The following CHD7 variants were observed in gnomAD, a reference collection of about 807,000 sequenced individuals.
CHD7 encodes ATP-dependent chromatin remodeler CHD7.
In CHD7, 24 loss-of-function variants were observed where a neutral mutation model predicts 307.3. The ratio of observed to expected loss-of-function variants is 0.08; its 90% confidence interval spans 0.06 to 0.11. CHD7 has a LOEUF of 0.11. Ranked by LOEUF, CHD7 falls within the 10% of genes least tolerant of loss-of-function variation. The pLI is 1.00. For missense variants in CHD7, 3,106 were observed against 3,727.1 expected, an observed-to-expected ratio of 0.83 and a Z score of 4.34; for synonymous variants, 1,363 against 1,349.9, an observed-to-expected ratio of 1.01 and a Z score of -0.21.
At chr8:60,847,068 T>C (rs1397434182) in intron 23 of CHD7, among the ~76,000 whole-genome samples, 2 of 152,222 alleles carry the variant, frequency 1.3e-5, no homozygotes, top group Non-Finnish European at 2.9e-5. Flanking sequence ...AGTCAATGTT[T>C]AATCTCATGA....
intron 34 of CHD7, among the ~76,000 whole-genome samples, chr8:60,859,677 T>TG (rs1805878045): frequency 6.6e-6 from 1 of 152,184 alleles, no homozygotes; most frequent in African/African-American, 2.4e-5. Context: ...TTAAAAGGGT[T>TG]GGCAGAGAAC....
At chr8:60,833,220 C>G (rs1804600590) in intron 15 of CHD7, among the ~76,000 whole-genome samples, 1 of 152,202 alleles carries the variant, frequency 6.6e-6, no homozygotes, top group Non-Finnish European at 1.5e-5. Context: ...CAACAAAACA[C>G]ATTTCCAGGA....
intron 22 of CHD7, 65 bp downstream of exon 22, chr8:60,845,128 C>T (rs948980950): frequency 3.4e-5 from 54 of 1,590,428 alleles, no homozygotes; most frequent in Non-Finnish European, 4.1e-5. Flanking sequence ...TTGTGACACA[C>T]TGTTGATAAA....
intron 2 of CHD7, among the ~76,000 whole-genome samples, chr8:60,751,301 C>T (rs1298109725): frequency 6.6e-6 from 1 of 152,154 alleles, no homozygotes; most frequent in Admixed American, 6.6e-5. Context: ...ATGATCCCCC[C>T]TCCCCATTTC....
chr8:60,805,502 T>C (rs1305344786), intron 6 of CHD7, among the ~76,000 whole-genome samples: 2 of 152,166 alleles, frequency 1.3e-5, no homozygotes, highest in African/African-American at 4.8e-5. Context: ...CTAGACTCTC[T>C]TGTCAGGCAT....
chr8:60,733,226 A>G (rs1352082348), intron 1 of CHD7, among the ~76,000 whole-genome samples: 1 of 114,002 alleles, frequency 8.8e-6, no homozygotes, highest in Non-Finnish European at 1.8e-5. Context: ...ACAGAGCGAG[A>G]CCCTGTCTCT....
At chr8:60,803,530 G>A (rs1311788490) in intron 6 of CHD7, among the ~76,000 whole-genome samples, 1 of 152,160 alleles carries the variant, frequency 6.6e-6, no homozygotes, top group Non-Finnish European at 1.5e-5. Context: ...CACTGTACAG[G>A]AGGGTGGACA....
chr8:60,816,971 G>A (rs371346340), intron 8 of CHD7, among the ~76,000 whole-genome samples: 1 of 152,232 alleles, frequency 6.6e-6, no homozygotes, highest in Non-Finnish European at 1.5e-5. Context: ...GTGCTGTAGT[G>A]TAGAAACTGG....
At chr8:60,784,064 C>T (rs1811382372) in intron 3 of CHD7, among the ~76,000 whole-genome samples, 1 of 152,178 alleles carries the variant, frequency 6.6e-6, no homozygotes, top group South Asian at 2.1e-4. Context: ...AGAAAGGAAA[C>T]AGCATCCCTG....
chr8:60,742,568 A>G lies in CHD7; in HGVS notation c.1136A>G (p.Gln379Arg). Residue 379 changes from glutamine (Q) to arginine (R), a missense_variant, in exon 2 of 38, where the codon CAA becomes CGA. Gln to Arg is a conservative substitution (Grantham distance 43, BLOSUM62 1). This residue lies in a region of CHD7 where 998 missense variants were observed against 1,004.5 expected (regional missense o/e 0.99). Transcript: ENST00000423902. ...PSGSLNQMNT[Q>R]TMHPSQPQGT... The stretch of plus-strand genomic sequence containing the variant: ...GGCTCACTTAACCAAATGAACACAC[A>G]AACTATGCATCCTTCACAGCCTCAG... 2 of 1,614,020 alleles carry G rather than the reference A, an allele frequency of 1.2e-6. No individual in the cohort carries two copies. The highest frequency in any genetic ancestry group is 1.7e-6 in the Non-Finnish European group (2 of 1,179,894).
At chr8:60,709,862 C>T (rs1475212842) in intron 1 of CHD7, among the ~76,000 whole-genome samples, 1 of 152,120 alleles carries the variant, frequency 6.6e-6, no homozygotes, top group Admixed American at 6.5e-5. Flanking sequence ...GATAGCTATT[C>T]TCCTACAGAG....
intron 1 of CHD7, among the ~76,000 whole-genome samples, chr8:60,683,495 TAAA>T (rs957571753): frequency 2.0e-5 from 3 of 152,172 alleles, no homozygotes; most frequent in Non-Finnish European, 2.9e-5. Flanking sequence ...ATCTGCATGA[TAAA>T]AAGAAGAAAT....
chr8:60,695,676 G>A (rs534446646), intron 1 of CHD7, among the ~76,000 whole-genome samples: 3 of 152,302 alleles, frequency 2.0e-5, no homozygotes, highest in African/African-American at 7.2e-5. Context: ...TGAAAGAAAA[G>A]CAGTCAAGGA....
rs764698095 is a variant in CHD7, at chr8:60,865,714, A to G, written c.8775A>G (p.Ala2925=). Residue 2925 remains alanine, a synonymous_variant, in exon 38 of 38, where the codon GCA becomes GCG. Transcript: ENST00000423902. The surrounding 1 kb of genome is among the most constrained non-coding windows in gnomAD (Gnocchi z 4.3). ...GLTLPGFPAL[A]GLQNAVGSSE... ...CGCTGCCTGGGTTCCCAGCATTGGC[A>G]GGACTTCAGAATGCCGTGGGCTCCA... 1 of 1,608,278 alleles carries G rather than the reference A, an allele frequency of 6.2e-7. No homozygotes were observed. The highest frequency in any genetic ancestry group is 2.2e-5 in the East Asian group (1 of 44,798).
At chr8:60,766,336 A>T (rs569329383) in intron 2 of CHD7, among the ~76,000 whole-genome samples, 1 of 152,248 alleles carries the variant, frequency 6.6e-6, no homozygotes, top group African/African-American at 2.4e-5. Context: ...AGAGGTCCAT[A>T]TGATTGAGGG....
chr8:60,736,471 C>T (rs1252508479), intron 1 of CHD7, among the ~76,000 whole-genome samples: 1 of 152,124 alleles, frequency 6.6e-6, no homozygotes, highest in Non-Finnish European at 1.5e-5. Flanking sequence ...AGAGGTGTCT[C>T]CATGGGTTAT....
chr8:60,686,230 T>C (rs1805881739), intron 1 of CHD7, among the ~76,000 whole-genome samples: 1 of 152,226 alleles, frequency 6.6e-6, no homozygotes, highest in African/African-American at 2.4e-5. Flanking sequence ...AAGTAATGTT[T>C]CCACGTGTGG....
chr8:60,727,908 G>T lies in CHD7; in HGVS notation c.-174-13351G>T, dbSNP rs74858568. On this transcript the variant is annotated intron_variant, in intron 1 of 37. Coordinates refer to ENST00000423902, the MANE Select transcript of CHD7 (RefSeq NM_017780.4). ...TTTCAGTGAGTGGTTTTTACCATCT[G>T]CTCAGTTACCCAAGCCACAGGCCTC... Among the ~76,000 whole-genome samples the T allele has an allele frequency of 9.0e-4, 137 of 152,224 alleles. 2 individuals carry two copies. The highest frequency in any genetic ancestry group is 3.1e-3 in the African/African-American group (130 of 41,532).
At chr8:60,683,186 A>G (rs1805715808) in intron 1 of CHD7, among the ~76,000 whole-genome samples, 2 of 152,214 alleles carry the variant, frequency 1.3e-5, no homozygotes, top group Admixed American at 6.5e-5. Flanking sequence ...AGGAGATACT[A>G]TTTTCCCCTT....
Sources: gnomAD v4.1 joint callset for allele counts (sites outside exome capture counted in the v4.1 genomes callset) on GRCh38, gnomAD v4.1.1 for gene constraint, gnomAD v4.1.1 regional missense constraint, Gnocchi (gnomAD v3.1) non-coding constraint, MANE v1.5 for transcripts, NCBI Gene and HGNC (gene_info 2026-07-23, HGNC 2026-07-21) for gene names.